ZNF280D: variants seen among roughly 807,000 people sequenced by gnomAD.
ZNF280D encodes the protein suppressor of hairy wing homolog 4.
ZNF280D carries 39 observed loss-of-function variants against 94.7 expected under a neutral mutation model. That is an observed-to-expected ratio of 0.41 (90% CI 0.32 to 0.54). The LOEUF (loss-of-function observed/expected upper bound fraction) is 0.54. Among genes scored for constraint, ZNF280D ranks in the 20% least tolerant of loss-of-function variants. ZNF280D has a pLI of 0.22. For missense variants in ZNF280D, 1,090 were observed against 1,149.3 expected (o/e 0.95, Z 0.75); for synonymous variants, 398 against 377.6 (o/e 1.05, Z -0.63).
At chr15:56,711,298 C>T (rs1413099672) in intron 1 of ZNF280D, among the ~76,000 whole-genome samples, 2 of 152,168 alleles carry the variant, frequency 1.3e-5, no homozygotes, top group African/African-American at 4.8e-5. Context: ...ATGTAAAACA[C>T]ATCTCAGTGC....
chr15:56,633,043 C>T (rs574373971), intron 21 of ZNF280D, among the ~76,000 whole-genome samples: 1 of 151,936 alleles, frequency 6.6e-6, no homozygotes, highest in African/African-American at 2.4e-5. Context: ...TAGTGAATCA[C>T]AAAATATGAG....
intron 14 of ZNF280D, chr15:56,668,057 G>T: frequency 2.3e-6 from 1 of 429,522 alleles, no homozygotes; most frequent in Admixed American, 2.6e-5. Flanking sequence ...AAGGATGCTG[G>T]ATAGCTTCTC....
Position 56,710,483 on chromosome 15 carries a change from A to G in ZNF280D, c.-85-3177T>C, listed in dbSNP as rs568755289. ...ACTTCAACTACTAACTCAGGTACAG[A>G]TTACATGCCCATATTTAATATACTG... On this transcript the variant is annotated intron_variant, in intron 1 of 21. Coordinates refer to ENST00000267807, the MANE Select transcript of ZNF280D (RefSeq NM_017661.4). 7.3e-4 allele frequency among the ~76,000 whole-genome samples: 111 copies of G among 152,198 alleles called. No individual in the cohort carries two copies. The South Asian group carries it at 0.021, about 29-fold the overall frequency.
At chr15:56,706,800 T>C (rs1008070133) in intron 3 of ZNF280D, among the ~76,000 whole-genome samples, 1 of 152,112 alleles carries the variant, frequency 6.6e-6, no homozygotes, top group South Asian at 2.1e-4. Context: ...AGCTTTATAA[T>C]TTTTTTAGAA....
rs199943276 is a variant in ZNF280D, at chr15:56,704,114, T to C, written c.175+7A>G. On this transcript the variant is annotated splice_region_variant and intron_variant, in intron 4 of 21. Transcript: ENST00000267807. ...AAAGCTTGGTTTCACTAAAAGTAAA[T>C]GCTTACTTGAAATTGCTGGTTTTGA... is the stretch of plus-strand genomic sequence containing the variant. 1.2e-4 allele frequency: 196 copies of C among 1,613,104 alleles called. No individual in the cohort carries two copies. Among genetic ancestry groups the C allele is most frequent in the Non-Finnish European group, 1.6e-4 (186 of 1,179,756 alleles).
chr15:56,647,530 C>CTATT (rs1197582032), intron 19 of ZNF280D, among the ~76,000 whole-genome samples: 1 of 151,934 alleles, frequency 6.6e-6, no homozygotes, highest in Non-Finnish European at 1.5e-5. Context: ...ACCACAACTT[C>CTATT]TATTTATTTA....
intron 16 of ZNF280D, among the ~76,000 whole-genome samples, chr15:56,665,811 C>T (rs1031906158): frequency 2.0e-5 from 3 of 150,154 alleles, no homozygotes; most frequent in Non-Finnish European, 3.0e-5. Context: ...ATTATTGAAA[C>T]ACCAATGGGG....
intron 16 of ZNF280D, among the ~76,000 whole-genome samples, chr15:56,663,197 T>A (rs549486474): frequency 7.0e-6 from 1 of 142,790 alleles, no homozygotes; most frequent in South Asian, 2.2e-4. Flanking sequence ...GGTGGGAGGA[T>A]CACCTGAGCC....
intron 1 of ZNF280D, among the ~76,000 whole-genome samples, chr15:56,714,672 T>C (rs952318680): frequency 2.0e-5 from 3 of 152,104 alleles, no homozygotes; most frequent in Admixed American, 6.6e-5. Flanking sequence ...TCCTAACTTA[T>C]ACAAAAAACT....
At chr15:56,690,754 C>G (rs1304303078) in intron 7 of ZNF280D, among the ~76,000 whole-genome samples, 1 of 152,002 alleles carries the variant, frequency 6.6e-6, no homozygotes, top group African/African-American at 2.4e-5. Context: ...AAAAGAGATT[C>G]TAAATCTGTA....
chr15:56,651,344 C>G (rs1348406879), intron 19 of ZNF280D, among the ~76,000 whole-genome samples: 1 of 152,112 alleles, frequency 6.6e-6, no homozygotes, highest in Non-Finnish European at 1.5e-5. Context: ...GATGAATAAA[C>G]TAGAATAAAA....
At chr15:56,725,539 C>T (rs1049849021) in intron 1 of ZNF280D, among the ~76,000 whole-genome samples, 1 of 152,000 alleles carries the variant, frequency 6.6e-6, no homozygotes, top group Non-Finnish European at 1.5e-5. Flanking sequence ...TCTCTTACGA[C>T]CTTCTGCATT....
chr15:56,680,832 A>G (rs1368526518), intron 10 of ZNF280D, among the ~76,000 whole-genome samples: 4 of 152,188 alleles, frequency 2.6e-5, no homozygotes, highest in African/African-American at 7.2e-5. Context: ...CCAAAAAAAT[A>G]CTGCTGAAAT....
chr15:56,699,555 G>C (rs2056937220), intron 6 of ZNF280D: 4 of 833,644 alleles, frequency 4.8e-6, no homozygotes, highest in Non-Finnish European at 5.8e-6. Flanking sequence ...TTCCCTTCCT[G>C]AGATTTTGAT....
chr15:56,667,678 G>A (rs1449360618), intron 14 of ZNF280D, among the ~76,000 whole-genome samples: 1 of 152,060 alleles, frequency 6.6e-6, no homozygotes, highest in African/African-American at 2.4e-5. Context: ...GGTATTTGAG[G>A]AACAGTCAAT....
intron 6 of ZNF280D, among the ~76,000 whole-genome samples, chr15:56,695,614 C>A (rs1236071212): frequency 1.7e-4 from 26 of 151,354 alleles, no homozygotes; most frequent in Admixed American, 1.2e-3. Flanking sequence ...ACTGCAACCT[C>A]CACCTCCTGG....
At chr15:56,643,718 T>C (rs2052738887) in intron 19 of ZNF280D, among the ~76,000 whole-genome samples, 1 of 151,912 alleles carries the variant, frequency 6.6e-6, no homozygotes, top group Non-Finnish European at 1.5e-5. Flanking sequence ...CTAAATATTA[T>C]TTGTGATATT....
At chr15:56,718,586 T>C (rs1240426669) in intron 1 of ZNF280D, among the ~76,000 whole-genome samples, 1 of 152,198 alleles carries the variant, frequency 6.6e-6, no homozygotes, top group Non-Finnish European at 1.5e-5. Flanking sequence ...GTACAGTTAT[T>C]AAAAGCTTTA....
intron 1 of ZNF280D, among the ~76,000 whole-genome samples, chr15:56,728,664 T>A (rs8025391): frequency 0.56 from 84,562 of 152,044 alleles, 24,285 homozygotes; most frequent in Non-Finnish European, 0.63. Flanking sequence ...TTCCAGGGTC[T>A]TGTATGAAAG....
Sources: gnomAD v4.1 joint callset for allele counts (sites outside exome capture counted in the v4.1 genomes callset) on GRCh38, gnomAD v4.1.1 for gene constraint, MANE v1.5 for transcripts, NCBI Gene and HGNC (gene_info 2026-07-23, HGNC 2026-07-21) for gene names.